Variants in EIF2AK4 observed in about 807,000 individuals in gnomAD.
EIF2AK4 encodes the protein eukaryotic translation initiation factor 2 alpha kinase 4, also known as eIF-2-alpha kinase GCN2.
A neutral mutation model predicts 211.1 loss-of-function variants in EIF2AK4; 139 were observed. The ratio of observed to expected loss-of-function variants is 0.66; its 90% CI spans 0.57 to 0.76. The LOEUF (loss-of-function observed/expected upper bound fraction) is 0.76, where lower values mean the gene tolerates loss of function less well. Ranked by LOEUF, EIF2AK4 falls within the 30% of genes least tolerant of loss-of-function variation. EIF2AK4 has a pLI of 0.00. For missense variants in EIF2AK4, 1,664 were observed against 2,043.8 expected (o/e 0.81, Z 3.58); for synonymous variants, 710 against 751.3 (o/e 0.94, Z 0.90).
At chr15:40,002,463 C>A in intron 21 of EIF2AK4, 1 of 428,360 alleles carries the variant, frequency 2.3e-6, no homozygotes, top group Non-Finnish European at 4.2e-6. Context: ...ATCAATGTGG[C>A]CAAGAATTTG....
At chr15:39,944,315 A>G (rs943641317) in intron 3 of EIF2AK4, among the ~76,000 whole-genome samples, 4 of 152,090 alleles carry the variant, frequency 2.6e-5, no homozygotes, top group Admixed American at 2.6e-4. Flanking sequence ...CTGGAGGCAG[A>G]GTATGACTGT....
chr15:39,953,817 A>G, intron 4 of EIF2AK4, 87 bp from the exon 5 acceptor site: 1 of 1,324,000 alleles, frequency 7.6e-7, no homozygotes, highest in African/African-American at 1.5e-5. Context: ...AATTATTGAA[A>G]GTTAAAAGAT....
intron 27 of EIF2AK4, among the ~76,000 whole-genome samples, chr15:40,016,157 A>G (rs1471991821): frequency 6.6e-6 from 1 of 152,228 alleles, no homozygotes; most frequent in Non-Finnish European, 1.5e-5. Flanking sequence ...GGAATTCATG[A>G]GAATAAGAAA....
In EIF2AK4 at chr15:40,035,106, C is replaced by A; in HGVS notation, c.*22C>A. The A allele has an allele frequency of 1.3e-6, 2 of 1,499,148 alleles. No homozygotes were observed. Among genetic ancestry groups the A allele is most frequent in the Non-Finnish European group, 1.8e-6 (2 of 1,103,320 alleles). The allele number at this position is 1,499,148 out of a possible 1,614,324, so 92.9% of individuals were successfully genotyped here. ...TTAACCCTAAAGAACTGTCGTTAAC[C>A]TCATTCAAACAGACAGAGGCTTATA... On this transcript the variant is annotated 3_prime_UTR_variant, in exon 39 of 39. Transcript: ENST00000263791.
intron 6 of EIF2AK4, among the ~76,000 whole-genome samples, chr15:39,960,089 G>C (rs558720258): frequency 6.6e-6 from 1 of 151,532 alleles, no homozygotes; most frequent in Admixed American, 6.6e-5. Flanking sequence ...GTGTGAACCC[G>C]GGAGGCGGAG....
intron 13 of EIF2AK4, among the ~76,000 whole-genome samples, chr15:39,984,046 A>G (rs2034831180): frequency 1.3e-5 from 2 of 152,086 alleles, no homozygotes; most frequent in Admixed American, 1.3e-4. Flanking sequence ...TAAGGAAGGG[A>G]TTTGGTTTCA....
At chr15:39,962,763 G>A (rs1595550175) in intron 7 of EIF2AK4, among the ~76,000 whole-genome samples, 2 of 152,306 alleles carry the variant, frequency 1.3e-5, no homozygotes, top group Non-Finnish European at 2.9e-5. Flanking sequence ...TTGGCGTGAA[G>A]CTGGTTCAGC....
Position 40,035,056 on chromosome 15 carries a change from G to A in EIF2AK4, c.4922G>A (p.Arg1641Lys), listed in dbSNP as rs773414544. ...TCTGTGCTATTTCTGTACAGCTATAGAGATGACTACTACAGAATCTTATTT... is the reference window on the plus strand; with the variant it reads ...TCTGTGCTATTTCTGTACAGCTATAAAGATGACTACTACAGAATCTTATTT... ...KVSVLFLYSY[R>K]DDYYRILF The change falls in exon 39 of 39, where the codon AGA (arginine) becomes AAA (lysine). Residue 1641 changes from arginine to lysine, a missense_variant. Physicochemically the swap from Arg to Lys is conservative, Grantham distance 26. Transcript: ENST00000263791. 2 of 1,586,212 alleles carry A rather than the reference G, an allele frequency of 1.3e-6. No individual in the cohort carries two copies. The highest frequency in any genetic ancestry group is 3.4e-5 in the Admixed American group (2 of 59,696).
intron 7 of EIF2AK4, among the ~76,000 whole-genome samples, chr15:39,964,797 T>C (rs1400328857): frequency 1.3e-5 from 2 of 152,226 alleles, no homozygotes; most frequent in Non-Finnish European, 2.9e-5. Flanking sequence ...TGACTATCAC[T>C]AAATAAATGT....
chr15:40,010,072 A>G (rs1414528161), intron 26 of EIF2AK4, among the ~76,000 whole-genome samples: 1 of 152,238 alleles, frequency 6.6e-6, no homozygotes, highest in Non-Finnish European at 1.5e-5. Context: ...ATCACTAAGT[A>G]ATTGGTCCTG....
rs1292057553 is a variant in EIF2AK4, at chr15:39,992,181, A to G, written c.2638A>G (p.Ser880Gly). Residue 880 changes from serine to glycine, a missense_variant, in exon 17 of 39, where the codon AGC becomes GGC. Coordinates refer to ENST00000263791, the MANE Select transcript of EIF2AK4 (RefSeq NM_001013703.4). ...GGCTTACTTATATTTTTAGGCTGAC[A>G]GCAAACAAGACGATCAGACAGGAGA... ...ATDHLAFSADSKQDDQTGDLI... is the reference protein window; with the variant it reads ...ATDHLAFSADGKQDDQTGDLI... The G allele has an allele frequency of 1.2e-6, 2 of 1,611,876 alleles. No individual in the cohort carries two copies. The highest frequency in any genetic ancestry group is 1.7e-6 in the Non-Finnish European group (2 of 1,178,966).
At chr15:39,950,418 C>T (rs1428952506) in intron 4 of EIF2AK4, among the ~76,000 whole-genome samples, 1 of 151,856 alleles carries the variant, frequency 6.6e-6, no homozygotes, top group South Asian at 2.1e-4. Flanking sequence ...CATGGCGAAA[C>T]TCTGTCTACT....
chr15:40,009,467 A>T, intron 25 of EIF2AK4, 147 bp from the exon 26 acceptor site: 1 of 578,424 alleles, frequency 1.7e-6, no homozygotes. Context: ...AAAAGAATGT[A>T]TGAAAAAAAA....
At chr15:39,965,566 T>C (rs968443064) in intron 7 of EIF2AK4, 120 bp from the exon 8 acceptor site, 1 of 1,149,664 alleles carries the variant, frequency 8.7e-7, no homozygotes, top group Non-Finnish European at 1.2e-6. Context: ...AGTCCTATTT[T>C]CCATAGTTAG....
chr15:40,029,541 C>A, intron 34 of EIF2AK4, 77 bp downstream of exon 34: 1 of 1,398,906 alleles, frequency 7.1e-7, no homozygotes, highest in Admixed American at 2.1e-5. Flanking sequence ...TAGCTAACTG[C>A]TTGTGACACT....
rs540925126 is a variant in EIF2AK4, at chr15:40,021,163, GCTGCAGTAACCAATT to G, written c.4302+137_4302+151del. The G allele has an allele frequency of 2.2e-5, 22 of 1,007,286 alleles. No homozygotes were observed. The Admixed American group carries it at 6.7e-4, about 31-fold the overall frequency. The allele number at this position is 1,007,286 out of a possible 1,614,324, so 62.4% of individuals were successfully genotyped here. A position where few individuals can be genotyped will look rare whatever the true frequency, so the allele number is the denominator to read the frequency against. ...TTGCCTCCTGTGTTAGTTTCTGATTGCTGCAGTAACCAATTACCACAAACTTACTGGCTTAAACAC... is the reference window on the plus strand; with the variant it reads ...TTGCCTCCTGTGTTAGTTTCTGATTGACCACAAACTTACTGGCTTAAACAC... On this transcript the variant is annotated intron_variant, in intron 31 of 38. Transcript: ENST00000263791.
At chr15:39,945,190 A>T (rs1307247999) in intron 3 of EIF2AK4, among the ~76,000 whole-genome samples, 1 of 151,114 alleles carries the variant, frequency 6.6e-6, no homozygotes, top group Non-Finnish European at 1.5e-5. Flanking sequence ...CATCTTGCCC[A>T]GGCTGGTCCC....
chr15:40,014,236 G>A (rs1023506695), intron 27 of EIF2AK4, among the ~76,000 whole-genome samples: 1 of 152,196 alleles, frequency 6.6e-6, no homozygotes, highest in African/African-American at 2.4e-5. Context: ...TGCTTCCATG[G>A]ACTAGCATTT....
At chr15:39,943,922 T>A (rs1375482457) in intron 3 of EIF2AK4, among the ~76,000 whole-genome samples, 2 of 151,750 alleles carry the variant, frequency 1.3e-5, no homozygotes, top group Non-Finnish European at 2.9e-5. Flanking sequence ...ACCCCTTCAC[T>A]CCAGCCTGGG....
Sources: allele counts gnomAD v4.1 joint callset (sites outside exome capture counted in the v4.1 genomes callset), GRCh38; gene constraint gnomAD v4.1.1; transcripts MANE v1.5; gene names NCBI Gene and HGNC (gene_info 2026-07-23, HGNC 2026-07-21).